Variants in DNPEP observed in about 807,000 individuals in gnomAD.
The protein encoded by DNPEP is aspartyl aminopeptidase.
DNPEP carries 46 observed loss-of-function variants against 59.1 expected under a neutral mutation model. The observed-to-expected ratio is 0.78, with a 90% CI of 0.61 to 0.99. DNPEP has a LOEUF of 0.99. Among genes scored for constraint, DNPEP ranks in the 50% least tolerant of loss-of-function variants. DNPEP has a pLI of 0.00. For missense variants in DNPEP, 617 were observed against 649.9 expected (o/e 0.95, Z 0.55); for synonymous variants, 229 against 242.2 (o/e 0.95, Z 0.50).
rs1484984370 is a variant in DNPEP, at chr2:219,372,237, T to C, written c.*2055A>G. ...ATTCTGTTATACAAAAGGAAACCAT[T>C]ACAAAAAGGCTAAGGCCCTTTTGTC... is the stretch of plus-strand genomic sequence containing the variant. On this transcript the variant is annotated 3_prime_UTR_variant, in exon 15 of 15. Transcript: ENST00000273075. Among the ~76,000 whole-genome samples, 1 of 152,196 alleles carries C rather than the reference T, an allele frequency of 6.6e-6. No individual in the cohort carries two copies. Among genetic ancestry groups the C allele is most frequent in the African/African-American group, 2.4e-5 (1 of 41,454 alleles).
rs1188037741 is a variant in DNPEP, at chr2:219,372,914, C to T, written c.*1378G>A. Among the ~76,000 whole-genome samples, 1 of 151,882 alleles carries T rather than the reference C, an allele frequency of 6.6e-6. No individual in the cohort carries two copies. Among genetic ancestry groups the T allele is most frequent in the Non-Finnish European group, 1.5e-5 (1 of 67,994 alleles). On this transcript the variant is annotated 3_prime_UTR_variant, in exon 15 of 15. Transcript: ENST00000273075. ...TATATGTATTGATATAGAAATATCT[C>T]TATATTATATTAAGTTTTTTAGAAA...
In DNPEP at chr2:219,381,733, C is replaced by T. The variant is rs141992917; in HGVS notation, c.1098-149G>A. ...CAGAGTCATTCCACACACAGGGTTC[C>T]GGGCAGCCTCTAGCAATAGATGGAA... is the stretch of plus-strand genomic sequence containing the variant. On this transcript the variant is annotated intron_variant, in intron 11 of 14. Transcript: ENST00000273075. 7,656 of 1,004,806 alleles carry T rather than the reference C, an allele frequency of 7.6e-3. 42 individuals carry two copies. Among genetic ancestry groups the T allele is most frequent in the South Asian group, 0.01 (785 of 75,202 alleles). 62.2% of individuals were successfully genotyped at this position (1,004,806 alleles called of 1,614,324 possible).
At chr2:219,375,750 C>T (rs183477796) in intron 13 of DNPEP, among the ~76,000 whole-genome samples, 11 of 152,182 alleles carry the variant, frequency 7.2e-5, no homozygotes, top group African/African-American at 2.2e-4. Flanking sequence ...TCAGTAGAGA[C>T]GAGATTTTGC....
chr2:219,374,958 A>G lies in DNPEP; in HGVS notation c.1304T>C (p.Leu435Pro). The stretch of plus-strand genomic sequence containing the variant: ...GCCTAAATCCAGCACCCGCAGCCCC[A>G]GCCGAGAAGCCAAGATAGGTCCAAT... ...TTIGPILASR[L>P]GLRVLDLGSP... The change falls in exon 14 of 15, where the codon CTG (leucine) becomes CCG (proline). Residue 435 changes from leucine to proline, a missense_variant. Physicochemically the swap from Leu to Pro is moderately conservative, Grantham distance 98. Coordinates refer to ENST00000273075, the MANE Select transcript of DNPEP (RefSeq NM_012100.4). The G allele has an allele frequency of 1.9e-6, 3 of 1,614,192 alleles. No individual in the cohort carries two copies. The highest frequency in any genetic ancestry group is 2.5e-6 in the Non-Finnish European group (3 of 1,180,030).
At chr2:219,390,432 C>T (rs534259996), upstream of DNPEP, among the ~76,000 whole-genome samples, 2 of 152,098 alleles carry the variant, frequency 1.3e-5, no homozygotes, top group Non-Finnish European at 2.9e-5. Context: ...TCTTATTGAC[C>T]ATTTTTGGTT....
At chr2:219,385,346 G>T (rs749957919) in intron 8 of DNPEP, 78 bp downstream of exon 8, 6 of 912,288 alleles carry the variant, frequency 6.6e-6, no homozygotes, top group Admixed American at 2.1e-5. Flanking sequence ...GAGGTGATGG[G>T]TGCTTCAGCA....
rs1335364437 is a variant in DNPEP at position 219,372,615 on chromosome 2, C to T, written c.*1677G>A. Reference sequence around the variant, plus strand: ...CTCCTGACCTCAAGTGATCTGCCCACCTCGGCCTCCCAAAGTGCTGGGATT... The same window carrying T: ...CTCCTGACCTCAAGTGATCTGCCCATCTCGGCCTCCCAAAGTGCTGGGATT... On this transcript the variant is annotated 3_prime_UTR_variant, in exon 15 of 15. Coordinates refer to ENST00000273075, the MANE Select transcript of DNPEP (RefSeq NM_012100.4). 6.6e-6 allele frequency among the ~76,000 whole-genome samples: 1 copy of T among 152,168 alleles called. No homozygotes were observed. The highest frequency in any genetic ancestry group is 6.5e-5 in the Admixed American group (1 of 15,278).
chr2:219,393,417 T>C (rs1954049003), upstream of DNPEP, among the ~76,000 whole-genome samples: 1 of 152,116 alleles, frequency 6.6e-6, no homozygotes, highest in African/African-American at 2.4e-5. Context: ...GTAGCTGTGA[T>C]TACAAGCATG....
chr2:219,396,019 G>A (rs1465599572), intron 1 of DNPEP, among the ~76,000 whole-genome samples: 1 of 152,192 alleles, frequency 6.6e-6, no homozygotes, highest in Non-Finnish European at 1.5e-5. Context: ...AAAAAGGAAC[G>A]AGTGGTTGCT....
chr2:219,387,854 G>C lies in DNPEP; in HGVS notation c.-60C>G. Reference sequence around the variant, plus strand: ...GCCTGCCCCGCCCCTCACTAGCTTTGCAGGTCCCCCGCGTGCCCCTTCAGG... The same window carrying C: ...GCCTGCCCCGCCCCTCACTAGCTTTCCAGGTCCCCCGCGTGCCCCTTCAGG... On this transcript the variant is annotated 5_prime_UTR_variant, in exon 1 of 15. Transcript: ENST00000273075. 1 of 1,333,328 alleles carries C rather than the reference G, an allele frequency of 7.5e-7. No homozygotes were observed. Among genetic ancestry groups the C allele is most frequent in the Non-Finnish European group, 9.9e-7 (1 of 1,014,866 alleles). The allele number at this position is 1,333,328 out of a possible 1,614,324, so 82.6% of individuals were successfully genotyped here.
chr2:219,387,141 C>T lies in DNPEP; in HGVS notation c.59G>A (p.Arg20His). The stretch of plus-strand genomic sequence containing the variant: ...AGCCGCAGTCTGCACCGCCTCTTTG[C>T]GGGCCTTACCGTTCATGGCCACCTA... The part of the protein sequence containing the change: ...AMQVAMNGKA[R>H]KEAVQTAAKE... Residue 20 changes from arginine (R) to histidine (H), a missense_variant, in exon 2 of 15, where the codon CGC (arginine) becomes CAC (histidine). Coordinates refer to ENST00000273075, the MANE Select transcript of DNPEP (RefSeq NM_012100.4). 6.4e-7 allele frequency: 1 copy of T among 1,563,306 alleles called. No homozygotes were observed. The highest frequency in any genetic ancestry group is 2.4e-5 in the East Asian group (1 of 42,148).
rs1953278103 is a variant in DNPEP, at chr2:219,374,223, G to C, written c.*69C>G. On this transcript the variant is annotated 3_prime_UTR_variant, in exon 15 of 15. Coordinates refer to ENST00000273075, the MANE Select transcript of DNPEP (RefSeq NM_012100.4). ...AGTGACAATCCACTTTAATAATCCA[G>C]CTTCAGCTCAGCTGAGAACTTCCCC... is the stretch of plus-strand genomic sequence containing the variant. 3 of 1,416,596 alleles carry C rather than the reference G, an allele frequency of 2.1e-6. No homozygotes were observed. The highest frequency in any genetic ancestry group is 1.7e-5 in the Admixed American group (1 of 59,118). The allele number at this position is 1,416,596 out of a possible 1,614,324, so 87.8% of individuals were successfully genotyped here. A position where few individuals can be genotyped will look rare whatever the true frequency, so the allele number is the denominator to read the frequency against.
At chr2:219,391,114 C>A (rs184387258), upstream of DNPEP, among the ~76,000 whole-genome samples, 3 of 152,180 alleles carry the variant, frequency 2.0e-5, no homozygotes, top group Admixed American at 6.5e-5. Context: ...CCTGAGGGGT[C>A]AACTTCAATT....
In DNPEP at chr2:219,383,223, G is replaced by C; in HGVS notation, c.853-9C>G. ...CAGGAATCTATCAAGGCCTGGTTCA[G>C]GGAAGGAAATGAGAGCATCATCTCC... On this transcript the variant is annotated splice_polypyrimidine_tract_variant and intron_variant, in intron 9 of 14. Coordinates refer to ENST00000273075, the MANE Select transcript of DNPEP (RefSeq NM_012100.4). The C allele has an allele frequency of 6.2e-7, 1 of 1,613,854 alleles. No homozygotes were observed. Among genetic ancestry groups the C allele is most frequent in the South Asian group, 1.1e-5 (1 of 91,062 alleles).
chr2:219,393,124 A>G (rs1339811107), upstream of DNPEP, among the ~76,000 whole-genome samples: 1 of 152,182 alleles, frequency 6.6e-6, no homozygotes, highest in African/African-American at 2.4e-5. Context: ...TGGGCCACAA[A>G]TAAAATACAC....
chr2:219,373,630 G>C lies in DNPEP; in HGVS notation c.*662C>G, dbSNP rs1953260401. 6.6e-6 allele frequency: 1 copy of C among 152,242 alleles called. No individual in the cohort carries two copies. The highest frequency in any genetic ancestry group is 1.5e-5 in the Non-Finnish European group (1 of 68,074). 9.4% of individuals were successfully genotyped at this position (152,242 alleles called of 1,614,324 possible). A position where few individuals can be genotyped will look rare whatever the true frequency, so the allele number is the denominator to read the frequency against. On this transcript the variant is annotated 3_prime_UTR_variant, in exon 15 of 15. Transcript: ENST00000273075. ...TCCACCTGCCTTGGCCTCCCAAAAT[G>C]CTGGGAATACAGATGTGAGCCGCTG...
upstream of DNPEP, among the ~76,000 whole-genome samples, chr2:219,390,487 A>G (rs1953998895): frequency 6.6e-6 from 1 of 152,274 alleles, no homozygotes; most frequent in Non-Finnish European, 1.5e-5. Context: ...TACAAGAGCA[A>G]GAAATATTGT....
intron 13 of DNPEP, among the ~76,000 whole-genome samples, chr2:219,376,841 G>GTT (rs1447405139): frequency 6.6e-6 from 1 of 152,086 alleles, no homozygotes; most frequent in African/African-American, 2.4e-5. Flanking sequence ...AGGTCAATAG[G>GTT]GGAAAAGCAC....
chr2:219,396,157 A>G (rs977452889), intron 1 of DNPEP, among the ~76,000 whole-genome samples: 6 of 152,194 alleles, frequency 3.9e-5, no homozygotes, highest in South Asian at 4.1e-4. Flanking sequence ...ATGTGTGACT[A>G]TGAAGGAGTA....
Sources: allele counts gnomAD v4.1 joint callset (sites outside exome capture counted in the v4.1 genomes callset), GRCh38; gene constraint gnomAD v4.1.1; transcripts MANE v1.5; gene names NCBI Gene and HGNC (gene_info 2026-07-23, HGNC 2026-07-21).